The following ZNF638 variants were observed in gnomAD, a reference collection of about 807,000 sequenced individuals.
ZNF638 encodes the protein zinc finger protein 638, also known as CTCL tumor antigen se33-1.
A neutral mutation model predicts 195.6 loss-of-function variants in ZNF638; 46 were observed. The observed-to-expected ratio is 0.24, with a 90% CI of 0.19 to 0.30. The LOEUF (loss-of-function observed/expected upper bound fraction) is 0.30, where lower values mean the gene tolerates loss of function less well. Among genes scored for constraint, ZNF638 ranks in the 10% least tolerant of loss-of-function variants. The pLI, the probability that ZNF638 is intolerant of heterozygous loss-of-function variation, is 1.00. For synonymous variants in ZNF638, 845 were observed against 772.0 expected, an observed-to-expected ratio of 1.09 and a Z score of -1.57; for missense variants, 2,440 against 2,325.3, an observed-to-expected ratio of 1.05 and a Z score of -1.01.
chr2:71,429,402 A>G (rs1208233783), intron 25 of ZNF638, among the ~76,000 whole-genome samples: 1 of 152,150 alleles, frequency 6.6e-6, no homozygotes, highest in African/African-American at 2.4e-5. Flanking sequence ...AACCAGATGT[A>G]AAATTAGCTT....
Position 71,422,912 on chromosome 2 carries a change from C to T in ZNF638, c.3398C>T (p.Pro1133Leu), listed in dbSNP as rs752226072. 3 of 1,614,032 alleles carry T rather than the reference C, an allele frequency of 1.9e-6. No individual in the cohort carries two copies. Among genetic ancestry groups the T allele is most frequent in the Non-Finnish European group, 2.5e-6 (3 of 1,179,966 alleles). Residue 1133 changes from proline (P) to leucine (L), a missense_variant, in exon 22 of 28, where the codon CCC (proline) becomes CTC (leucine). Around this residue, in one of 5 missense-constraint regions of ZNF638, gnomAD observed 1,883 missense variants for 1,739.1 expected, o/e 1.08. Coordinates refer to ENST00000264447, the MANE Select transcript of ZNF638 (RefSeq NM_014497.5). The stretch of plus-strand genomic sequence containing the variant: ...AATGAGCTTGAAGAAGAAAGTACTC[C>T]CAGCATTCAAACAGAAACTTTGGTA... The part of the protein sequence containing the change: ...KPNELEEEST[P>L]SIQTETLVQQ...
intron 12 of ZNF638, among the ~76,000 whole-genome samples, chr2:71,399,149 G>A (rs1216881907): frequency 6.6e-6 from 1 of 152,022 alleles, no homozygotes; most frequent in Non-Finnish European, 1.5e-5. Flanking sequence ...AGGATGTTAG[G>A]AGAATTCATT....
At chr2:71,338,925 T>C (rs2104099080) in intron 1 of ZNF638, among the ~76,000 whole-genome samples, 1 of 152,326 alleles carries the variant, frequency 6.6e-6, no homozygotes, top group South Asian at 2.1e-4. Context: ...GAAATAACAT[T>C]ACCATATCCC....
In ZNF638 at chr2:71,350,244, G is replaced by A; in HGVS notation, c.1290G>A (p.Leu430=). ...GAATATTTCCACATTTGTGTTCTCT[G>A]TGTAACGTAGAATGTAGTCATTTGA... ...SPRIFPHLCS[L]CNVECSHLKD... The change falls in exon 2 of 28, where the codon CTG becomes CTA. Residue 430 remains leucine (L), a synonymous_variant. Coordinates refer to ENST00000264447, the MANE Select transcript of ZNF638 (RefSeq NM_014497.5). The A allele has an allele frequency of 6.2e-7, 1 of 1,601,928 alleles. No individual in the cohort carries two copies. The highest frequency in any genetic ancestry group is 2.2e-5 in the East Asian group (1 of 44,874).
At position 71,423,181 on chromosome 2, in the gene ZNF638, T is replaced by G. The variant is rs199608914; in HGVS notation, c.3667T>G (p.Leu1223Val). 1.7e-5 allele frequency: 27 copies of G among 1,614,108 alleles called. No homozygotes were observed. Among genetic ancestry groups the G allele is most frequent in the Non-Finnish European group, 2.2e-5 (26 of 1,179,986 alleles). The stretch of plus-strand genomic sequence containing the variant: ...AGAAATTATTAACCCTAAAACAGCA[T>G]TGTTACCATCTGACAGTGTGTTTGC... Reference protein sequence around the residue: ...GAEIINPKTALLPSDSVFAEE... With the variant: ...GAEIINPKTAVLPSDSVFAEE... The change falls in exon 22 of 28, where the codon TTG (leucine) becomes GTG (valine). Residue 1223 changes from leucine (L) to valine (V), a missense_variant. Transcript: ENST00000264447.
At chr2:71,387,967 A>G (rs1346644441) in intron 10 of ZNF638, among the ~76,000 whole-genome samples, 2 of 152,194 alleles carry the variant, frequency 1.3e-5, no homozygotes, top group African/African-American at 4.8e-5. Context: ...GATTATAGAG[A>G]AAGAAGTAGA....
At chr2:71,341,299 G>T (rs533646452) in intron 1 of ZNF638, among the ~76,000 whole-genome samples, 8 of 152,336 alleles carry the variant, frequency 5.3e-5, no homozygotes, top group Non-Finnish European at 1.2e-4. Context: ...GGACATAAAT[G>T]AGAGTTATTA....
At chr2:71,359,227 G>A (rs1239093494) in intron 3 of ZNF638, among the ~76,000 whole-genome samples, 1 of 152,106 alleles carries the variant, frequency 6.6e-6, no homozygotes, top group Non-Finnish European at 1.5e-5. Context: ...GAAGACTCTG[G>A]GTTTCTGGTA....
At chr2:71,354,553 T>G (rs1573037347) in intron 2 of ZNF638, among the ~76,000 whole-genome samples, 1 of 152,096 alleles carries the variant, frequency 6.6e-6, no homozygotes, top group East Asian at 1.9e-4. Flanking sequence ...CTGACAAACA[T>G]GGTGAAACCC....
At chr2:71,398,957 A>G (rs2079949456) in intron 12 of ZNF638, among the ~76,000 whole-genome samples, 185 bp downstream of exon 12, 1 of 152,164 alleles carries the variant, frequency 6.6e-6, no homozygotes, top group African/African-American at 2.4e-5. Flanking sequence ...GTGCATGTAA[A>G]CAATCACATA....
chr2:71,401,815 C>A, intron 15 of ZNF638, 141 bp from the exon 16 acceptor site: 1 of 673,446 alleles, frequency 1.5e-6, no homozygotes, highest in Non-Finnish European at 2.2e-6. Flanking sequence ...ATTTGAGGTT[C>A]AGACCAGCCT....
At chr2:71,365,081 T>A (rs947178358) in intron 5 of ZNF638, among the ~76,000 whole-genome samples, 1 of 152,246 alleles carries the variant, frequency 6.6e-6, no homozygotes, top group Non-Finnish European at 1.5e-5. Context: ...TTTTTGCCAT[T>A]ACTTTCAGTG....
intron 8 of ZNF638, among the ~76,000 whole-genome samples, chr2:71,371,665 C>G (rs996649237): frequency 1.4e-5 from 2 of 147,916 alleles, no homozygotes; most frequent in South Asian, 2.2e-4. Context: ...AATGTTTCTT[C>G]AGATCTTTTG....
At chr2:71,339,972 G>A (rs545588259) in intron 1 of ZNF638, among the ~76,000 whole-genome samples, 1 of 152,204 alleles carries the variant, frequency 6.6e-6, no homozygotes, top group South Asian at 2.1e-4. Context: ...AAATAAAAAG[G>A]TATATCTTAC....
At chr2:71,365,047 TTA>T (rs2079172538) in intron 5 of ZNF638, among the ~76,000 whole-genome samples, 1 of 152,230 alleles carries the variant, frequency 6.6e-6, no homozygotes, top group Admixed American at 6.5e-5. Flanking sequence ...ATAAAAATAT[TTA>T]TGTTAATATG....
At chr2:71,419,974 CTTTTTTTTTTTTTTTTTT>C (rs58583336) in intron 21 of ZNF638, among the ~76,000 whole-genome samples, 1 of 27,022 alleles carries the variant, frequency 3.7e-5, no homozygotes, top group Non-Finnish European at 5.8e-5. Context: ...CCCCCCCCGC[CTTTTTTTTTTTTTTTTTT>C]TTTTTTTTTT....
At chr2:71,383,578 TTTTC>T (rs1354147227) in intron 10 of ZNF638, among the ~76,000 whole-genome samples, 31 of 146,720 alleles carry the variant, frequency 2.1e-4, no homozygotes, top group African/African-American at 7.3e-4. Flanking sequence ...TTTTTTTTTT[TTTTC>T]TTCTTTTATT....
At chr2:71,402,893 G>T (rs562317669) in intron 16 of ZNF638, among the ~76,000 whole-genome samples, 1 of 152,202 alleles carries the variant, frequency 6.6e-6, no homozygotes, top group East Asian at 1.9e-4. Context: ...GAGGCACTCC[G>T]AGCCAATTTG....
chr2:71,431,334 G>A lies in ZNF638; in HGVS notation c.5658G>A (p.Glu1886=), dbSNP rs2080655069. 6.2e-7 allele frequency: 1 copy of A among 1,610,812 alleles called. No homozygotes were observed. The highest frequency in any genetic ancestry group is 1.3e-5 in the African/African-American group (1 of 74,714). Residue 1886 remains glutamate (E), a synonymous_variant, in exon 26 of 28, where the codon GAG becomes GAA. Coordinates refer to ENST00000264447, the MANE Select transcript of ZNF638 (RefSeq NM_014497.5). ...EEAFQMSEVD[E]ESGLKDSEPE... ...TTCCTCGAAAAATTTTAGTTGATGA[G>A]GAATCTGGATTAAAGGATTCAGAAC...
Sources: gnomAD v4.1 joint callset for allele counts (sites outside exome capture counted in the v4.1 genomes callset) on GRCh38, gnomAD v4.1.1 for gene constraint, gnomAD v4.1.1 regional missense constraint, MANE v1.5 for transcripts, NCBI Gene and HGNC (gene_info 2026-07-23, HGNC 2026-07-21) for gene names.